The following ZNF536 variants were observed in gnomAD, a reference collection of about 807,000 sequenced individuals.
ZNF536 encodes the protein zinc finger protein 536.
ZNF536 carries 13 observed loss-of-function variants against 84.5 expected under a neutral mutation model. The ratio of observed to expected loss-of-function variants is 0.15; its 90% CI spans 0.10 to 0.24. The LOEUF (loss-of-function observed/expected upper bound fraction) is 0.24. Ranked by LOEUF, ZNF536 falls within the 10% of genes least tolerant of loss-of-function variation. ZNF536 has a pLI of 1.00. For missense variants in ZNF536, 1,536 were observed against 1,747.5 expected (o/e 0.88, Z 2.16); for synonymous variants, 811 against 742.5 (o/e 1.09, Z -1.50).
chr19:30,671,724 G>A (rs550469769), intron 1 of ZNF536, among the ~76,000 whole-genome samples: 2 of 152,242 alleles, frequency 1.3e-5, no homozygotes, highest in Admixed American at 1.3e-4. Context: ...GGAAGCACTA[G>A]GTATAAATAG....
chr19:30,403,099 G>T (rs997176971), intron 1 of ZNF536, among the ~76,000 whole-genome samples: 1 of 152,008 alleles, frequency 6.6e-6, no homozygotes, highest in Admixed American at 6.6e-5. Flanking sequence ...GGAGAACACC[G>T]CTGCTGACGA....
chr19:30,271,294 C>CTTT (rs879683203), intron 1 of ZNF536, among the ~76,000 whole-genome samples: 5,532 of 102,290 alleles, frequency 0.054, 614 homozygotes, highest in African/African-American at 0.14. Flanking sequence ...GTGTTTTTTT[C>CTTT]TTTTCTTTTT....
At chr19:30,313,971 G>C (rs1475356081) in intron 2 of ZNF536, among the ~76,000 whole-genome samples, 1 of 152,198 alleles carries the variant, frequency 6.6e-6, no homozygotes, top group Non-Finnish European at 1.5e-5. Flanking sequence ...GTTCATCAAA[G>C]TCCTGCTGCC....
intron 2 of ZNF536, among the ~76,000 whole-genome samples, chr19:30,484,889 A>G (rs2054239985): frequency 3.3e-5 from 5 of 151,910 alleles, no homozygotes; most frequent in South Asian, 4.2e-4. Context: ...CACGCCTGTA[A>G]TCCCAGCACT....
At chr19:30,659,724 C>A (rs930905170) in intron 1 of ZNF536, among the ~76,000 whole-genome samples, 6 of 151,600 alleles carry the variant, frequency 4.0e-5, no homozygotes, top group African/African-American at 1.5e-4. Context: ...AAACAGCCCC[C>A]ATGATACAAT....
At chr19:30,654,703 CTTGT>C (rs1001436505) in intron 1 of ZNF536, among the ~76,000 whole-genome samples, 61 of 151,976 alleles carry the variant, frequency 4.0e-4, no homozygotes, top group African/African-American at 1.4e-3. Flanking sequence ...CTGACTGAGG[CTTGT>C]TTTTTTTCTC....
At chr19:30,691,256 C>A (rs532110306) in intron 1 of ZNF536, among the ~76,000 whole-genome samples, 2 of 152,226 alleles carry the variant, frequency 1.3e-5, no homozygotes, top group Admixed American at 1.3e-4. Context: ...TGGCCCACCC[C>A]CCACATGCAC....
chr19:30,624,023 G>C (rs1176217082), intron 1 of ZNF536, among the ~76,000 whole-genome samples: 2 of 152,152 alleles, frequency 1.3e-5, no homozygotes, highest in African/African-American at 4.8e-5. Flanking sequence ...TGACTGCTTT[G>C]TGTGACTTCT....
intron 2 of ZNF536, among the ~76,000 whole-genome samples, chr19:30,480,546 C>T (rs1279183012): frequency 2.0e-5 from 3 of 151,730 alleles, no homozygotes; most frequent in East Asian, 1.9e-4. Flanking sequence ...CGGGGCCTGT[C>T]GTGGGGTAGG....
chr19:30,589,387 T>C (rs180756284), intron 1 of ZNF536, among the ~76,000 whole-genome samples: 67 of 152,296 alleles, frequency 4.4e-4, no homozygotes, highest in African/African-American at 1.5e-3. Context: ...ACACTTTGGT[T>C]TAAGAGGTTG....
Position 30,514,466 on chromosome 19 carries a change from G to A in ZNF536, c.2171-20381G>A, listed in dbSNP as rs1047395431. Among the ~76,000 whole-genome samples, 4 of 152,028 alleles carry A rather than the reference G, an allele frequency of 2.6e-5. No individual in the cohort carries two copies. The East Asian group carries it at 7.8e-4, about 29-fold the overall frequency. On this transcript the variant is annotated intron_variant, in intron 2 of 4. Transcript: ENST00000355537. ...TGCAGGGGGGTCAAAGAGACTCACA[G>A]GGAGATGAGAAATGGTGTGACTGTG...
At chr19:30,505,261 C>T (rs2055122200) in intron 2 of ZNF536, among the ~76,000 whole-genome samples, 1 of 146,766 alleles carries the variant, frequency 6.8e-6, no homozygotes, top group Non-Finnish European at 1.5e-5. Flanking sequence ...ATATATAATA[C>T]ATTACATATT....
intron 2 of ZNF536, among the ~76,000 whole-genome samples, chr19:30,490,095 A>G (rs2054449767): frequency 6.6e-6 from 1 of 152,216 alleles, no homozygotes; most frequent in African/African-American, 2.4e-5. Context: ...GATCTGACTT[A>G]GTCCAAGTTC....
rs2146632600 is a variant in ZNF536, at chr19:30,578,023, G to A, written c.169+28509G>A. 1.3e-5 allele frequency among the ~76,000 whole-genome samples: 2 copies of A among 152,242 alleles called. 1 individual carries two copies. The highest frequency in any genetic ancestry group is 4.1e-4 in the South Asian group (2 of 4,824). On this transcript the variant is annotated intron_variant, in intron 1 of 1. Coordinates refer to the ZNF536 transcript ENST00000592773. ...TTTTGAAAGGTACAGGGATGGGAGAGCCTCTGTTGCCGGCAACAGTGCGGC... is the reference window on the plus strand; with the variant it reads ...TTTTGAAAGGTACAGGGATGGGAGAACCTCTGTTGCCGGCAACAGTGCGGC...
intron 1 of ZNF536, among the ~76,000 whole-genome samples, chr19:30,269,424 G>GA (rs2025699481): frequency 6.6e-6 from 1 of 152,176 alleles, no homozygotes; most frequent in South Asian, 2.1e-4. Context: ...CAGGGAGGGG[G>GA]AGAGAATCCT....
chr19:30,427,542 G>A (rs2051269191), intron 1 of ZNF536, among the ~76,000 whole-genome samples: 1 of 152,128 alleles, frequency 6.6e-6, no homozygotes. Context: ...TGAACTTGTT[G>A]GTTGGCTGTA....
chr19:30,386,749 G>C (rs1042403592), intron 1 of ZNF536, among the ~76,000 whole-genome samples: 8 of 152,226 alleles, frequency 5.3e-5, no homozygotes, highest in Non-Finnish European at 1.2e-4. Context: ...GGTCCCTAGG[G>C]CAGGGCCTGG....
intron 1 of ZNF536, among the ~76,000 whole-genome samples, chr19:30,695,881 T>C (rs1171402211): frequency 6.6e-6 from 1 of 152,126 alleles, no homozygotes. Flanking sequence ...TTACAGCCCA[T>C]CTTATTGCCA....
chr19:30,501,007 A>G (rs2145310976), intron 2 of ZNF536, among the ~76,000 whole-genome samples: 1 of 152,250 alleles, frequency 6.6e-6, no homozygotes, highest in East Asian at 1.9e-4. Context: ...TGGAGCGAGA[A>G]GGTTTGACCT....
Sources: allele counts gnomAD v4.1 joint callset (sites outside exome capture counted in the v4.1 genomes callset), GRCh38; gene constraint gnomAD v4.1.1; transcripts MANE v1.5; gene names NCBI Gene and HGNC (gene_info 2026-07-23, HGNC 2026-07-21).